KALRN: variants seen among roughly 807,000 people sequenced by gnomAD.
The protein encoded by KALRN is kalirin RhoGEF kinase, also known as kalirin.
KALRN carries 70 observed loss-of-function variants against 353.7 expected under a neutral mutation model. The ratio of observed to expected loss-of-function variants is 0.20; its 90% CI spans 0.16 to 0.24. The LOEUF is 0.24. Among genes scored for constraint, KALRN ranks in the 10% least tolerant of loss-of-function variants. The probability of loss-of-function intolerance (pLI) is 1.00; values close to 1 mark genes in which losing one functional copy is unlikely to be tolerated. For missense variants in KALRN, 2,791 were observed against 3,756.7 expected (o/e 0.74, Z 6.72); for synonymous variants, 1,391 against 1,434.8 (o/e 0.97, Z 0.69).
intron 21 of KALRN, among the ~76,000 whole-genome samples, chr3:124,449,036 C>T (rs1320204101): frequency 6.6e-6 from 1 of 152,248 alleles, no homozygotes; most frequent in Non-Finnish European, 1.5e-5. Context: ...TACAGGATAA[C>T]AAACCCAGTT....
intron 6 of KALRN, among the ~76,000 whole-genome samples, chr3:124,315,268 C>T (rs1293883036): frequency 2.0e-5 from 3 of 152,214 alleles, no homozygotes; most frequent in African/African-American, 7.2e-5. Context: ...TAACTCTAAT[C>T]AGCCATGTTT....
At chr3:124,376,480 C>T (rs772438398) in intron 10 of KALRN, among the ~76,000 whole-genome samples, 5 of 152,160 alleles carry the variant, frequency 3.3e-5, no homozygotes, top group Non-Finnish European at 5.9e-5. Flanking sequence ...CTTTGCCATT[C>T]CCAGAATTCA....
chr3:124,694,267 A>G, intron 52 of KALRN, 65 bp from the exon 53 acceptor site: 4 of 1,527,394 alleles, frequency 2.6e-6, no homozygotes, highest in Non-Finnish European at 3.6e-6. Context: ...GTGTGTTAAA[A>G]CAAAATGGCC....
chr3:124,539,421 A>T (rs147288875), intron 33 of KALRN, among the ~76,000 whole-genome samples: 8 of 152,296 alleles, frequency 5.3e-5, no homozygotes, highest in African/African-American at 1.9e-4. Context: ...CCATTGTTCC[A>T]TTAGGAAGGA....
chr3:124,228,057 C>T lies in KALRN; in HGVS notation c.141C>T (p.Phe47=), dbSNP rs267599579. Residue 47 remains phenylalanine, a synonymous_variant, in exon 2 of 60, where the codon TTC becomes TTT. Transcript: ENST00000682506. ...CTATCCTAAAGGAAAAGGTGGCCTT[C>T]GTGTCTGGTGAGTATTTGTGGGACT... The part of the protein sequence containing the change: ...VLPILKEKVA[F]VSGGRDKRGG... The T allele has an allele frequency of 5.6e-6, 9 of 1,613,134 alleles. No homozygotes were observed. Among genetic ancestry groups the T allele is most frequent in the Admixed American group, 3.3e-5 (2 of 59,988 alleles).
intron 47 of KALRN, among the ~76,000 whole-genome samples, chr3:124,668,085 C>A: frequency 7.7e-6 from 1 of 129,062 alleles, no homozygotes; most frequent in East Asian, 2.3e-4. Flanking sequence ...CACACACACA[C>A]ACACACACAA....
At chr3:124,149,201 T>C (rs1301080279) in intron 1 of KALRN, among the ~76,000 whole-genome samples, 1 of 152,200 alleles carries the variant, frequency 6.6e-6, no homozygotes, top group Admixed American at 6.5e-5. Flanking sequence ...ACTGACTATG[T>C]TCATGAATGG....
At position 124,277,996 on chromosome 3, in the gene KALRN, A is replaced by ATGTGTGTGTGTGTGTGTG. The variant is rs3054178; in HGVS notation, c.969+8756_969+8773dup. 1.4e-3 allele frequency among the ~76,000 whole-genome samples: 211 copies of ATGTGTGTGTGTGTGTGTG among 146,212 alleles called. 1 individual carries two copies. The highest frequency in any genetic ancestry group is 8.4e-3 in the East Asian group (40 of 4,764). The stretch of plus-strand genomic sequence containing the variant: ...AAGAAGGTCTGATCAGAGATGAACT[A>ATGTGTGTGTGTGTGTGTG]TGTGTGTGTGTGTGTGTGTGTGTGT... On this transcript the variant is annotated intron_variant, in intron 5 of 59. Transcript: ENST00000682506.
At chr3:124,700,116 C>A in intron 56 of KALRN, 83 bp downstream of exon 56, 2 of 1,342,120 alleles carry the variant, frequency 1.5e-6, no homozygotes. Context: ...GGCACGTTGA[C>A]ATGTCAGGCC....
intron 34 of KALRN, among the ~76,000 whole-genome samples, chr3:124,588,724 C>G (rs990994931): frequency 2.0e-5 from 3 of 152,144 alleles, no homozygotes; most frequent in African/African-American, 7.2e-5. Context: ...CCGTGCCCAA[C>G]CAAGAGACTT....
intron 1 of KALRN, among the ~76,000 whole-genome samples, chr3:124,167,812 A>G (rs142500592): frequency 2.8e-4 from 42 of 152,300 alleles, no homozygotes; most frequent in African/African-American, 9.4e-4. Flanking sequence ...TAAAAATTCA[A>G]TTTCTCAGTC....
chr3:124,207,426 C>T (rs545298978), intron 1 of KALRN, among the ~76,000 whole-genome samples: 25 of 152,284 alleles, frequency 1.6e-4, no homozygotes, highest in Admixed American at 3.3e-4. Context: ...GTAACTGTCC[C>T]GAAACTCGGG....
At chr3:124,579,095 C>G (rs138245146) in intron 34 of KALRN, among the ~76,000 whole-genome samples, 190 of 151,914 alleles carry the variant, frequency 1.3e-3, no homozygotes, top group Non-Finnish European at 2.3e-3. Context: ...AGAGAATAAC[C>G]CTAAAGGAAA....
At chr3:124,351,722 G>A (rs1194189655) in intron 10 of KALRN, among the ~76,000 whole-genome samples, 1 of 152,192 alleles carries the variant, frequency 6.6e-6, no homozygotes, top group Non-Finnish European at 1.5e-5. Flanking sequence ...TAAAATAGAT[G>A]TAAATGATAT....
chr3:124,712,913 ACT>A lies in KALRN; in HGVS notation c.8076-18_8076-17del. On this transcript the variant is annotated intron_variant, in intron 57 of 59. Coordinates refer to ENST00000682506, the MANE Select transcript of KALRN (RefSeq NM_001388419.1). ...CTAGTTAATTAATGAATGTTGGCAA[ACT>A]CTCCCTTTTGTTTTTCCAGAGGCCG... 2.5e-6 allele frequency: 4 copies of A among 1,570,784 alleles called. No individual in the cohort carries two copies. Among genetic ancestry groups the A allele is most frequent in the Non-Finnish European group, 2.6e-6 (3 of 1,144,930 alleles).
At chr3:124,434,140 T>A (rs978034142) in intron 16 of KALRN, among the ~76,000 whole-genome samples, 167 bp from the exon 17 acceptor site, 1 of 152,230 alleles carries the variant, frequency 6.6e-6, no homozygotes, top group Admixed American at 6.5e-5. Context: ...ATTCTTTTTT[T>A]AAATATGCTT....
intron 1 of KALRN, among the ~76,000 whole-genome samples, chr3:124,036,968 A>T (rs1159121945): frequency 6.6e-6 from 1 of 152,188 alleles, no homozygotes; most frequent in Non-Finnish European, 1.5e-5. Flanking sequence ...ACTATTCTAG[A>T]TTGGTAGACT....
intron 5 of KALRN, among the ~76,000 whole-genome samples, chr3:124,272,992 A>C (rs568718010): frequency 2.0e-5 from 3 of 152,182 alleles, no homozygotes; most frequent in Non-Finnish European, 2.9e-5. Context: ...GGAGGCCTCT[A>C]ATTCCAGATC....
At chr3:124,141,096 CTGTT>C (rs1418095978) in intron 1 of KALRN, among the ~76,000 whole-genome samples, 4 of 152,236 alleles carry the variant, frequency 2.6e-5, no homozygotes, top group Non-Finnish European at 5.9e-5. Flanking sequence ...CAGGACTTGT[CTGTT>C]TGTCCTTGAA....
Sources: allele counts gnomAD v4.1 joint callset (sites outside exome capture counted in the v4.1 genomes callset), GRCh38; gene constraint gnomAD v4.1.1; transcripts MANE v1.5; gene names NCBI Gene and HGNC (gene_info 2026-07-23, HGNC 2026-07-21).